The following SH3D19 variants were observed in gnomAD, a reference collection of about 807,000 sequenced individuals.
SH3D19 encodes SH3 domain containing 19.
SH3D19 carries 58 observed loss-of-function variants against 112.1 expected under a neutral mutation model. The observed-to-expected ratio is 0.52, with a 90% CI of 0.42 to 0.64. SH3D19 has a LOEUF of 0.64. Among genes scored for constraint, SH3D19 ranks in the 30% least tolerant of loss-of-function variants. The probability of loss-of-function intolerance (pLI) is 0.00; values close to 1 mark genes in which losing one functional copy is unlikely to be tolerated. For missense variants in SH3D19, 1,090 were observed against 1,263.4 expected (o/e 0.86, Z 2.08); for synonymous variants, 391 against 448.5 (o/e 0.87, Z 1.62).
chr4:151,124,474 T>C (rs972071967), intron 19 of SH3D19, among the ~76,000 whole-genome samples: 11 of 151,006 alleles, frequency 7.3e-5, no homozygotes, highest in Admixed American at 7.2e-4. Context: ...ATCCTAACAC[T>C]TTGGGAGGCC....
intron 1 of SH3D19, among the ~76,000 whole-genome samples, chr4:151,235,070 CA>C (rs1769932750): frequency 6.6e-6 from 1 of 152,050 alleles, no homozygotes; most frequent in Non-Finnish European, 1.5e-5. Flanking sequence ...ATTTTAGGTT[CA>C]GGGGTGCATG....
chr4:151,228,329 C>T (rs1769302233), intron 1 of SH3D19, among the ~76,000 whole-genome samples: 1 of 152,118 alleles, frequency 6.6e-6, no homozygotes, highest in Non-Finnish European at 1.5e-5. Flanking sequence ...ATCCATTACT[C>T]ACAATATTTC....
chr4:151,188,332 T>A (rs1212497287), intron 2 of SH3D19, among the ~76,000 whole-genome samples: 1 of 152,188 alleles, frequency 6.6e-6, no homozygotes, highest in African/African-American at 2.4e-5. Context: ...AAAGAGTGCT[T>A]AAAGGCTTTC....
intron 9 of SH3D19, among the ~76,000 whole-genome samples, chr4:151,149,864 T>C (rs1484934780): frequency 6.6e-6 from 1 of 151,970 alleles, no homozygotes; most frequent in Admixed American, 6.6e-5. Flanking sequence ...GAGGGAAAAT[T>C]TAAGCAGGCC....
chr4:151,254,978 G>A (rs1771720461), intron 1 of SH3D19, among the ~76,000 whole-genome samples: 1 of 151,002 alleles, frequency 6.6e-6, no homozygotes, highest in Non-Finnish European at 1.5e-5. Context: ...TCCCGGATGG[G>A]GCGGCTGGCT....
At chr4:151,225,124 T>A (rs189576070) in intron 2 of SH3D19, among the ~76,000 whole-genome samples, 1 of 152,338 alleles carries the variant, frequency 6.6e-6, no homozygotes, top group African/African-American at 2.4e-5. Flanking sequence ...TTTATAGATC[T>A]TATATTTTTA....
At chr4:151,306,488 G>A (rs995449232) in intron 1 of SH3D19, among the ~76,000 whole-genome samples, 3 of 151,940 alleles carry the variant, frequency 2.0e-5, no homozygotes, top group Admixed American at 6.6e-5. Flanking sequence ...TAAAAAGTTG[G>A]TACTTTTTAA....
intron 1 of SH3D19, among the ~76,000 whole-genome samples, chr4:151,319,550 ACT>A (rs1358497414): frequency 6.6e-6 from 1 of 152,164 alleles, no homozygotes. Context: ...AAAGCCACAG[ACT>A]CTGAGAGGAT....
At chr4:151,321,948 G>A (rs1730568674) in intron 1 of SH3D19, among the ~76,000 whole-genome samples, 1 of 152,148 alleles carries the variant, frequency 6.6e-6, no homozygotes, top group Non-Finnish European at 1.5e-5. Context: ...TTCAGGTGTT[G>A]TGTCTAGCTT....
chr4:151,261,691 A>T (rs556362256), intron 1 of SH3D19, among the ~76,000 whole-genome samples: 1 of 152,302 alleles, frequency 6.6e-6, no homozygotes, highest in African/African-American at 2.4e-5. Flanking sequence ...TGCCTCTTTC[A>T]TATTTCTTCT....
intron 1 of SH3D19, chr4:151,261,521 G>C (rs533838943): frequency 1.0e-4 from 16 of 152,482 alleles, no homozygotes; most frequent in African/African-American, 3.9e-4. Flanking sequence ...TGACTGGATG[G>C]GGCTATACTG....
intron 1 of SH3D19, among the ~76,000 whole-genome samples, chr4:151,302,882 G>C (rs372864438): frequency 1.2e-4 from 18 of 152,078 alleles, no homozygotes; most frequent in East Asian, 3.9e-4. Flanking sequence ...GTGGGGGAAG[G>C]GGGGAGGGAT....
At chr4:151,138,947 C>G (rs1752445032) in intron 13 of SH3D19, among the ~76,000 whole-genome samples, 2 of 152,080 alleles carry the variant, frequency 1.3e-5, no homozygotes, top group Admixed American at 6.6e-5. Context: ...CCTGACTCAG[C>G]CTCCCAAGTA....
chr4:151,203,403 A>G (rs912342865), intron 2 of SH3D19, among the ~76,000 whole-genome samples: 2 of 152,246 alleles, frequency 1.3e-5, no homozygotes, highest in African/African-American at 4.8e-5. Context: ...TAGCTTCAAA[A>G]AGGAATAAAC....
At chr4:151,291,885 C>T (rs1313256109) in intron 1 of SH3D19, among the ~76,000 whole-genome samples, 1 of 152,144 alleles carries the variant, frequency 6.6e-6, no homozygotes, top group African/African-American at 2.4e-5. Flanking sequence ...CCTTCTAACC[C>T]TCCCTTTACT....
intron 14 of SH3D19, among the ~76,000 whole-genome samples, chr4:151,136,297 A>G (rs11099783): frequency 0.86 from 130,731 of 151,706 alleles, 57,063 homozygotes; most frequent in Non-Finnish European, 0.95. Context: ...ACACACGCGT[A>G]ACACCATGCC....
intron 1 of SH3D19, among the ~76,000 whole-genome samples, chr4:151,262,164 T>C (rs1421409753): frequency 6.6e-6 from 1 of 152,204 alleles, no homozygotes; most frequent in African/African-American, 2.4e-5. Flanking sequence ...AGCCTTTAGG[T>C]TGTTTCCCAA....
At chr4:151,191,161 T>C (rs1027396072) in intron 2 of SH3D19, among the ~76,000 whole-genome samples, 2 of 152,238 alleles carry the variant, frequency 1.3e-5, no homozygotes, top group African/African-American at 4.8e-5. Context: ...TTGGAATGGC[T>C]GTATTTACCC....
At chr4:151,132,929 G>A (rs374544238) in intron 16 of SH3D19, 105 bp downstream of exon 16, 49 of 985,782 alleles carry the variant, frequency 5.0e-5, no homozygotes, top group African/African-American at 3.5e-4. Flanking sequence ...TCCTTCTACC[G>A]TAAAAATATG....
Sources: allele counts gnomAD v4.1 joint callset (sites outside exome capture counted in the v4.1 genomes callset), GRCh38; gene constraint gnomAD v4.1.1; transcripts MANE v1.5; gene names NCBI Gene and HGNC (gene_info 2026-07-23, HGNC 2026-07-21).